Variants in C5orf63 observed in about 807,000 individuals in gnomAD.
The protein encoded by C5orf63 is glutaredoxin-like protein C5orf63.
C5orf63 carries 18 observed loss-of-function variants against 13.3 expected under a neutral mutation model. The observed-to-expected ratio is 1.36, with a 90% CI of 0.94 to 2.01. The LOEUF (loss-of-function observed/expected upper bound fraction) is 2.01, where lower values mean the gene tolerates loss of function less well. Ranked by LOEUF, C5orf63 falls within the 30% of genes most tolerant of loss-of-function variation. The probability of loss-of-function intolerance (pLI) is 0.00; values close to 1 mark genes in which losing one functional copy is unlikely to be tolerated. For synonymous variants in C5orf63, 38 were observed against 44.7 expected (o/e 0.85, Z 0.60); for missense variants, 118 against 127.7 (o/e 0.92, Z 0.36).
downstream of C5orf63, among the ~76,000 whole-genome samples, chr5:127,050,010 C>T (rs914493965): frequency 3.3e-5 from 5 of 152,236 alleles, no homozygotes; most frequent in African/African-American, 1.2e-4. Context: ...AGGCAATTCA[C>T]ATGATGCTTG....
At chr5:127,071,209 CA>C (rs1278793864) in intron 2 of C5orf63, among the ~76,000 whole-genome samples, 1 of 152,138 alleles carries the variant, frequency 6.6e-6, no homozygotes, top group East Asian at 1.9e-4. Context: ...ACAAATAACA[CA>C]ATACCACAGT....
chr5:127,047,567 AAACC>A, downstream of C5orf63: 3 of 609,238 alleles, frequency 4.9e-6, no homozygotes, highest in Non-Finnish European at 8.8e-6. Context: ...CTATAGGTTA[AAACC>A]AACATTAGGT....
chr5:127,050,001 G>C (rs1022117156), downstream of C5orf63, among the ~76,000 whole-genome samples: 6 of 152,198 alleles, frequency 3.9e-5, no homozygotes, highest in Non-Finnish European at 7.3e-5. Flanking sequence ...GGTTCCACTA[G>C]GCAATTCACA....
intron 3 of C5orf63, among the ~76,000 whole-genome samples, chr5:127,055,603 G>C (rs1341280987): frequency 2.0e-5 from 3 of 152,158 alleles, no homozygotes; most frequent in Non-Finnish European, 2.9e-5. Flanking sequence ...TCCTAGAACA[G>C]AGAATTGGCT....
exon 5 of C5orf63, chr5:127,045,345 C>T (rs963019426): frequency 6.6e-6 from 1 of 152,194 alleles, no homozygotes; most frequent in Non-Finnish European, 1.5e-5. Flanking sequence ...AATCTGTTTT[C>T]TTTTTCTTTT....
In C5orf63 at chr5:127,052,609, T is replaced by C. The variant is rs140808546; in HGVS notation, c.171+4A>G. ...TACATAAAAGCCACACTGTATTATATTACCCTGTTTTCATAAGGCTTGAGT... is the reference window on the plus strand; with the variant it reads ...TACATAAAAGCCACACTGTATTATACTACCCTGTTTTCATAAGGCTTGAGT... On this transcript the variant is annotated splice_donor_region_variant and intron_variant, in intron 4 of 4. Coordinates refer to ENST00000296662, the MANE Select transcript of C5orf63 (RefSeq NM_001164478.2). 30 of 1,497,216 alleles carry C rather than the reference T, an allele frequency of 2.0e-5. No individual in the cohort carries two copies. The East Asian group carries it at 7.3e-4, about 37-fold the overall frequency. The allele number at this position is 1,497,216 out of a possible 1,614,324, so 92.7% of individuals were successfully genotyped here.
At chr5:127,067,490 A>T in intron 2 of C5orf63, among the ~76,000 whole-genome samples, 1 of 152,202 alleles carries the variant, frequency 6.6e-6, no homozygotes, top group East Asian at 1.9e-4. Flanking sequence ...GACTGTTTAA[A>T]TATTCAACAT....
chr5:127,043,872 C>T (rs1753459975), downstream of C5orf63: 1 of 152,216 alleles, frequency 6.6e-6, no homozygotes, highest in African/African-American at 2.4e-5. Context: ...TGCAAATGTA[C>T]ATTTTAACTC....
rs1195266614 is a variant in C5orf63, at chr5:127,051,884, AT to A, written c.234del (p.Lys78AsnfsTer9). On this transcript the variant is annotated frameshift_variant, in exon 5 of 5. Coordinates refer to ENST00000296662, the MANE Select transcript of C5orf63 (RefSeq NM_001164478.2). LOFTEE classifies it high-confidence loss of function. ...TTCAAGTGAAAGACAGGAATATCAA[AT>A]TTATACCTTTCATACCAGACAGAGT... ...PENSVWYERY[K>X]FDIPVFHLNG... 1 of 1,535,562 alleles carries A rather than the reference AT, an allele frequency of 6.5e-7. No homozygotes were observed. Among genetic ancestry groups the A allele is most frequent in the Non-Finnish European group, 8.7e-7 (1 of 1,146,182 alleles).
downstream of C5orf63, among the ~76,000 whole-genome samples, chr5:127,048,209 G>C (rs1162562138): frequency 6.8e-6 from 1 of 147,618 alleles, no homozygotes; most frequent in Non-Finnish European, 1.5e-5. Context: ...CCTCATACCA[G>C]TCCCCTCTCA....
In C5orf63 at chr5:127,051,326, T is replaced by C. The variant is rs371456606; in HGVS notation, c.*445A>G. 129 of 1,230,816 alleles carry C rather than the reference T, an allele frequency of 1.0e-4. 2 individuals are homozygous for C. The South Asian group carries it at 4.3e-3, about 41-fold the overall frequency. The allele number at this position is 1,230,816 out of a possible 1,614,324, so 76.2% of individuals were successfully genotyped here. On this transcript the variant is annotated 3_prime_UTR_variant, in exon 5 of 5. Coordinates refer to ENST00000296662, the MANE Select transcript of C5orf63 (RefSeq NM_001164478.2). Reference sequence around the variant, plus strand: ...ATGTATTCCTTAAAACATCGCTTTATTGACCGTGCACAGTTATTAACAATT... The same window carrying C: ...ATGTATTCCTTAAAACATCGCTTTACTGACCGTGCACAGTTATTAACAATT...
At position 127,052,675 on chromosome 5, in the gene C5orf63, G is replaced by A. The variant is rs1294845949; in HGVS notation, c.115-6C>T. On this transcript the variant is annotated splice_region_variant and splice_polypyrimidine_tract_variant and intron_variant, in intron 3 of 4. Coordinates refer to ENST00000296662, the MANE Select transcript of C5orf63 (RefSeq NM_001164478.2). Reference sequence around the variant, plus strand: ...TCACAAAGGGGGCATGGGTCCTACAGGAAGAAAAAAAACCCAAGCGATTAA... The same window carrying A: ...TCACAAAGGGGGCATGGGTCCTACAAGAAGAAAAAAAACCCAAGCGATTAA... The A allele has an allele frequency of 1.3e-6, 2 of 1,483,578 alleles. No individual in the cohort carries two copies. Among genetic ancestry groups the A allele is most frequent in the Non-Finnish European group, 1.8e-6 (2 of 1,128,658 alleles). 91.9% of individuals were successfully genotyped at this position (1,483,578 alleles called of 1,614,324 possible). A position where few individuals can be genotyped will look rare whatever the true frequency, so the allele number is the denominator to read the frequency against.
chr5:127,060,495 A>G (rs888770443), intron 2 of C5orf63, among the ~76,000 whole-genome samples: 3 of 152,228 alleles, frequency 2.0e-5, no homozygotes, highest in Admixed American at 6.5e-5. Context: ...AACTGTAAAT[A>G]TTATAATTTC....
downstream of C5orf63, chr5:127,045,069 G>A (rs2126876101): frequency 6.6e-6 from 1 of 152,242 alleles, no homozygotes; most frequent in East Asian, 1.9e-4. Flanking sequence ...ATACTTTGCT[G>A]TCTTTTCTGT....
chr5:127,058,616 C>T (rs1004415792), intron 3 of C5orf63: 3 of 312,986 alleles, frequency 9.6e-6, no homozygotes, highest in Admixed American at 4.8e-5. Context: ...CTAAATGATA[C>T]ATTTTTAAAC....
chr5:127,050,066 A>G (rs1198846307), downstream of C5orf63, among the ~76,000 whole-genome samples: 1 of 152,158 alleles, frequency 6.6e-6, no homozygotes, highest in African/African-American at 2.4e-5. Context: ...TTTCCTCTTT[A>G]TAACTAACCA....
intron 2 of C5orf63, among the ~76,000 whole-genome samples, chr5:127,063,190 T>C (rs968293826): frequency 2.6e-5 from 4 of 152,178 alleles, no homozygotes; most frequent in Admixed American, 6.5e-5. Flanking sequence ...ATTTCAGTGG[T>C]CTTTATGGCA....
downstream of C5orf63, chr5:127,043,949 T>C (rs570101220): frequency 1.3e-4 from 20 of 152,344 alleles, no homozygotes; most frequent in Admixed American, 1.0e-3. Context: ...AGGCCACGGG[T>C]TGACCTTGTT....
chr5:127,047,554 G>T, downstream of C5orf63: 2 of 585,646 alleles, frequency 3.4e-6, no homozygotes, highest in Non-Finnish European at 3.0e-6. Flanking sequence ...GTTTATTGAA[G>T]AGCTATAGGT....
Sources: allele counts gnomAD v4.1 joint callset (sites outside exome capture counted in the v4.1 genomes callset), GRCh38; gene constraint gnomAD v4.1.1; transcripts MANE v1.5; gene names NCBI Gene and HGNC (gene_info 2026-07-23, HGNC 2026-07-21).